Variants in PKP4 observed in about 807,000 individuals in gnomAD.
PKP4 encodes plakophilin-4.
Under a neutral mutation model 145.1 loss-of-function variants are expected in PKP4, and 90 were observed. The ratio of observed to expected loss-of-function variants is 0.62; its 90% CI spans 0.52 to 0.74. The LOEUF is 0.74. Among genes scored for constraint, PKP4 ranks in the 30% least tolerant of loss-of-function variants. The pLI, the probability that PKP4 is intolerant of heterozygous loss-of-function variation, is 0.00. For missense variants in PKP4, 1,340 were observed against 1,482.7 expected, an observed-to-expected ratio of 0.90 and a Z score of 1.58; for synonymous variants, 563 against 577.2, an observed-to-expected ratio of 0.98 and a Z score of 0.35.
Position 158,663,286 on chromosome 2 carries a change from T to A in PKP4, c.2418T>A (p.Gly806=), listed in dbSNP as rs1235669385. The stretch of plus-strand genomic sequence containing the variant: ...TTGTCTTTCAGTGGGATGGAGTTGG[T>A]CCTATCCCAGGACTGTCGAAGTCCC... ...TPQEDQWDGV[G]PIPGLSKSPK... is the part of the protein sequence containing the mutation. The change falls in exon 15 of 22, where the codon GGT becomes GGA. Residue 806 remains glycine, a synonymous_variant. Transcript: ENST00000389759. The A allele has an allele frequency of 3.0e-5, 49 of 1,613,236 alleles. No homozygotes were observed. Among genetic ancestry groups the A allele is most frequent in the Non-Finnish European group, 4.1e-5 (48 of 1,179,744 alleles).
chr2:158,584,585 T>A (rs1330399464), intron 3 of PKP4, among the ~76,000 whole-genome samples: 1 of 151,860 alleles, frequency 6.6e-6, no homozygotes, highest in Non-Finnish European at 1.5e-5. Context: ...ACTTTGGGAG[T>A]CCTAAGCAGG....
At chr2:158,557,788 G>A (rs2046217617) in intron 2 of PKP4, among the ~76,000 whole-genome samples, 1 of 152,186 alleles carries the variant, frequency 6.6e-6, no homozygotes. Context: ...TTACGTTTGT[G>A]TGTGGAAGGT....
intron 1 of PKP4, among the ~76,000 whole-genome samples, chr2:158,528,827 A>G (rs1215449642): frequency 2.6e-5 from 4 of 152,188 alleles, no homozygotes; most frequent in South Asian, 2.1e-4. Context: ...AGCTAATGCT[A>G]CAATTTCCAG....
rs550818228 is a variant in PKP4, at chr2:158,593,708, A to T, written c.246-9362A>T. On this transcript the variant is annotated intron_variant, in intron 3 of 21. Coordinates refer to ENST00000389759, the MANE Select transcript of PKP4 (RefSeq NM_003628.6). ...TTTCGCCTTCAGGAGGCTGATCATG[A>T]TATTGTTTATTTAAATCTTAACTTT... is the stretch of plus-strand genomic sequence containing the variant. Among the ~76,000 whole-genome samples, 5 of 152,306 alleles carry T rather than the reference A, an allele frequency of 3.3e-5. No homozygotes were observed. In the East Asian group the frequency reaches 9.7e-4, roughly 29 times the overall value.
At chr2:158,630,383 T>C (rs1308118045) in intron 7 of PKP4, among the ~76,000 whole-genome samples, 2 of 152,236 alleles carry the variant, frequency 1.3e-5, no homozygotes, top group Non-Finnish European at 2.9e-5. Context: ...TTTTTCTTTA[T>C]ACTAGAAAGA....
intron 6 of PKP4, among the ~76,000 whole-genome samples, chr2:158,623,767 A>G (rs1399425999): frequency 6.6e-6 from 1 of 152,124 alleles, no homozygotes; most frequent in Non-Finnish European, 1.5e-5. Flanking sequence ...CTAAAAGTGG[A>G]TGTGGGTTGA....
intron 1 of PKP4, among the ~76,000 whole-genome samples, chr2:158,489,165 T>C (rs183081921): frequency 5.1e-4 from 77 of 152,316 alleles, no homozygotes; most frequent in African/African-American, 1.8e-3. Context: ...CATTTTTTTT[T>C]CCTTCAGAAA....
intron 11 of PKP4, among the ~76,000 whole-genome samples, chr2:158,643,542 C>G (rs1173796652): frequency 6.6e-6 from 1 of 151,808 alleles, no homozygotes. Context: ...GAGACCACAT[C>G]TCTACAAAAA....
Position 158,467,821 on chromosome 2 carries a change from T to G in PKP4, c.-6+10603T>G, listed in dbSNP as rs1261259455. Among the ~76,000 whole-genome samples the G allele has an allele frequency of 2.6e-5, 4 of 152,230 alleles. No homozygotes were observed. The East Asian group carries it at 7.7e-4, about 29-fold the overall frequency. ...ATGATAGTGCCACTGCACTCCAACCTGGGCAATAGAGTGAAACTCTATCTC... is the reference window on the plus strand; with the variant it reads ...ATGATAGTGCCACTGCACTCCAACCGGGGCAATAGAGTGAAACTCTATCTC... On this transcript the variant is annotated intron_variant, in intron 1 of 21. Coordinates refer to ENST00000389759, the MANE Select transcript of PKP4 (RefSeq NM_003628.6).
At chr2:158,484,239 G>A (rs1460965340) in intron 1 of PKP4, among the ~76,000 whole-genome samples, 1 of 151,436 alleles carries the variant, frequency 6.6e-6, no homozygotes, top group African/African-American at 2.4e-5. Flanking sequence ...AGTAGAGACG[G>A]GGTTTCACCT....
At chr2:158,459,516 T>G (rs1689432361) in intron 1 of PKP4, among the ~76,000 whole-genome samples, 1 of 152,068 alleles carries the variant, frequency 6.6e-6, no homozygotes, top group Non-Finnish European at 1.5e-5. Flanking sequence ...AACGTTTATG[T>G]TTTGGTTGCT....
intron 2 of PKP4, among the ~76,000 whole-genome samples, chr2:158,566,829 AAC>A (rs754476802): frequency 3.3e-5 from 5 of 151,380 alleles, no homozygotes; most frequent in Admixed American, 6.6e-5. Context: ...TATATCTGCA[AAC>A]ACACACACAC....
chr2:158,485,390 T>C (rs1271142012), intron 1 of PKP4, among the ~76,000 whole-genome samples: 1 of 152,214 alleles, frequency 6.6e-6, no homozygotes, highest in Non-Finnish European at 1.5e-5. Flanking sequence ...AGTGCTGGAA[T>C]CTCATCCAAC....
In PKP4 at chr2:158,634,165, G is replaced by A. The variant is rs1461427351; in HGVS notation, c.1438G>A (p.Glu480Lys). ...TCTGAACACAACAGCTACCTACGCG[G>A]AGCCCTACAGGCCTATACAATACCG... ...YALNTTATYAEPYRPIQYRVQ... is the reference protein window; with the variant it reads ...YALNTTATYAKPYRPIQYRVQ... Residue 480 changes from glutamate (E) to lysine (K), a missense_variant, in exon 9 of 22, where the codon GAG (glutamate) becomes AAG (lysine). Transcript: ENST00000389759. 6.2e-7 allele frequency: 1 copy of A among 1,613,816 alleles called. No homozygotes were observed. Among genetic ancestry groups the A allele is most frequent in the Non-Finnish European group, 8.5e-7 (1 of 1,179,888 alleles).
At chr2:158,485,598 T>C (rs984634086) in intron 1 of PKP4, among the ~76,000 whole-genome samples, 1 of 152,228 alleles carries the variant, frequency 6.6e-6, no homozygotes, top group African/African-American at 2.4e-5. Context: ...ATTTGTTGAA[T>C]GAATGAAAAT....
At position 158,670,202 on chromosome 2, in the gene PKP4, CT is replaced by C. The variant is rs531916557; in HGVS notation, c.2924+288del. On this transcript the variant is annotated intron_variant, in intron 17 of 21. Coordinates refer to ENST00000389759, the MANE Select transcript of PKP4 (RefSeq NM_003628.6). ...TTCTGCTGTAACAAAATGTTGTGAA[CT>C]GGGTGGCTTATAAACAACAGAAATT... is the stretch of plus-strand genomic sequence containing the variant. Among the ~76,000 whole-genome samples, 24 of 152,268 alleles carry C rather than the reference CT, an allele frequency of 1.6e-4. No homozygotes were observed. The South Asian group carries it at 5.0e-3, about 32-fold the overall frequency.
At chr2:158,535,700 T>G (rs1373116734) in intron 2 of PKP4, among the ~76,000 whole-genome samples, 1 of 152,144 alleles carries the variant, frequency 6.6e-6, no homozygotes, top group African/African-American at 2.4e-5. Flanking sequence ...GGATTATAAG[T>G]GTGAGCCAGT....
chr2:158,549,123 C>T (rs990573821), intron 2 of PKP4: 1 of 201,532 alleles, frequency 5.0e-6, no homozygotes, highest in East Asian at 1.1e-4. Flanking sequence ...TGATGAGATC[C>T]GCCATCACTG....
rs778332565 is a variant in PKP4 at position 158,533,274 on chromosome 2, C to G, written c.90C>G (p.Pro30=). Residue 30 remains proline, a synonymous_variant, in exon 2 of 22, where the codon CCC becomes CCG. Coordinates refer to ENST00000389759, the MANE Select transcript of PKP4 (RefSeq NM_003628.6). ...CCTCCACTGGCCCAGGCATGGAACC[C>G]GAGACCACAGCCACCACTATTCTAG... ...EAASTGPGME[P]ETTATTILAS... is the part of the protein sequence containing the mutation. 1 of 1,614,112 alleles carries G rather than the reference C, an allele frequency of 6.2e-7. No individual in the cohort carries two copies. The highest frequency in any genetic ancestry group is 8.5e-7 in the Non-Finnish European group (1 of 1,180,022).
Sources: gnomAD v4.1 joint callset for allele counts (sites outside exome capture counted in the v4.1 genomes callset) on GRCh38, gnomAD v4.1.1 for gene constraint, MANE v1.5 for transcripts, NCBI Gene and HGNC (gene_info 2026-07-23, HGNC 2026-07-21) for gene names.